KPNA5: variants seen among roughly 807,000 people sequenced by gnomAD.
KPNA5 encodes the protein importin subunit alpha-6.
Under a neutral mutation model 71.3 loss-of-function variants are expected in KPNA5, and 46 were observed. That is an observed-to-expected ratio of 0.65 (90% CI 0.51 to 0.83). KPNA5 has a LOEUF of 0.83. Among genes scored for constraint, KPNA5 ranks in the 40% least tolerant of loss-of-function variants. KPNA5 has a pLI of 0.00. For synonymous variants in KPNA5, 207 were observed against 201.4 expected (o/e 1.03, Z -0.24); for missense variants, 547 against 628.3 (o/e 0.87, Z 1.38).
At chr6:116,685,787 C>T (rs1251631560) in intron 1 of KPNA5, among the ~76,000 whole-genome samples, 1 of 152,132 alleles carries the variant, frequency 6.6e-6, no homozygotes, top group African/African-American at 2.4e-5. Context: ...ATTTATATCC[C>T]TCTGGATATA....
chr6:116,684,483 G>T (rs1777493501), intron 1 of KPNA5, among the ~76,000 whole-genome samples: 1 of 152,122 alleles, frequency 6.6e-6, no homozygotes, highest in South Asian at 2.1e-4. Context: ...ATCAATGAAT[G>T]AATAAACCGA....
chr6:116,715,131 C>T (rs1778835222), intron 7 of KPNA5, among the ~76,000 whole-genome samples: 1 of 152,148 alleles, frequency 6.6e-6, no homozygotes, highest in Non-Finnish European at 1.5e-5. Flanking sequence ...GGACAAGCAC[C>T]TGGAGTTCCA....
intron 9 of KPNA5, among the ~76,000 whole-genome samples, chr6:116,723,135 G>T (rs1001393221): frequency 6.6e-6 from 1 of 152,158 alleles, no homozygotes; most frequent in Non-Finnish European, 1.5e-5. Context: ...TGAGGTAAAA[G>T]ATTGGCTGAT....
intron 8 of KPNA5, among the ~76,000 whole-genome samples, chr6:116,716,629 A>G (rs1778898338): frequency 6.6e-6 from 1 of 152,196 alleles, no homozygotes. Flanking sequence ...AAAAGATTAA[A>G]TAATTCCTTT....
chr6:116,701,491 G>A (rs1334899250), intron 5 of KPNA5, among the ~76,000 whole-genome samples: 1 of 152,126 alleles, frequency 6.6e-6, no homozygotes, highest in East Asian at 1.9e-4. Flanking sequence ...AGAAGTCCCA[G>A]CACTGGCTCT....
At chr6:116,714,318 A>G (rs1778808651) in intron 7 of KPNA5, among the ~76,000 whole-genome samples, 1 of 152,130 alleles carries the variant, frequency 6.6e-6, no homozygotes, top group Non-Finnish European at 1.5e-5. Context: ...GTGGGTAGCT[A>G]GTGGTTTGAC....
chr6:116,692,657 G>T (rs1403741692), intron 4 of KPNA5, among the ~76,000 whole-genome samples: 9 of 152,068 alleles, frequency 5.9e-5, no homozygotes, highest in African/African-American at 7.2e-5. Context: ...AAGAAATAAG[G>T]TTAGAGATAT....
rs149228960 is a variant in KPNA5 at position 116,699,344 on chromosome 6, G to A, written c.435+546G>A. Among the ~76,000 whole-genome samples, 815 of 152,082 alleles carry A rather than the reference G, an allele frequency of 5.4e-3. 7 individuals are homozygous for A. The highest frequency in any genetic ancestry group is 9.2e-3 in the Non-Finnish European group (622 of 67,936). On this transcript the variant is annotated intron_variant, in intron 5 of 13. Coordinates refer to ENST00000368564, the MANE Select transcript of KPNA5 (RefSeq NM_001366306.2). ...CTAATGGAAATTTACTGAAGTTTGT[G>A]AATATTTTAATGTTAAAAAAAGATT...
chr6:116,697,786 T>C (rs1169590604), intron 4 of KPNA5, among the ~76,000 whole-genome samples: 3 of 152,004 alleles, frequency 2.0e-5, no homozygotes, highest in African/African-American at 7.2e-5. Flanking sequence ...ATAACCATGA[T>C]GATATAATGA....
At chr6:116,708,156 T>C (rs567349856) in intron 7 of KPNA5, among the ~76,000 whole-genome samples, 1 of 152,362 alleles carries the variant, frequency 6.6e-6, no homozygotes, top group Non-Finnish European at 1.5e-5. Context: ...CATTAATAGA[T>C]GGACACTTCG....
At chr6:116,705,737 G>C (rs545660220) in intron 7 of KPNA5, among the ~76,000 whole-genome samples, 1 of 152,154 alleles carries the variant, frequency 6.6e-6, no homozygotes, top group South Asian at 2.1e-4. Flanking sequence ...TCTTTATGTA[G>C]GATAAATGCT....
chr6:116,696,037 A>G (rs184782707), intron 4 of KPNA5, among the ~76,000 whole-genome samples: 9 of 152,146 alleles, frequency 5.9e-5, no homozygotes, highest in Middle Eastern at 3.4e-3. Context: ...TTAAGCCTTT[A>G]TATGTCTAAA....
chr6:116,727,127 T>G (rs1364706848), intron 12 of KPNA5, among the ~76,000 whole-genome samples: 1 of 152,046 alleles, frequency 6.6e-6, no homozygotes, highest in Non-Finnish European at 1.5e-5. Flanking sequence ...CTTTTTAAAT[T>G]TATTTATTCT....
chr6:116,705,043 G>C, intron 6 of KPNA5, 29 bp from the exon 7 acceptor site: 1 of 1,517,504 alleles, frequency 6.6e-7, no homozygotes, highest in Non-Finnish European at 9.1e-7. Context: ...TTAAAATATT[G>C]TCTTAAGATA....
intron 12 of KPNA5, among the ~76,000 whole-genome samples, chr6:116,728,724 A>G (rs969427591): frequency 6.6e-6 from 1 of 151,980 alleles, no homozygotes; most frequent in Non-Finnish European, 1.5e-5. Flanking sequence ...AGTTGGTACT[A>G]TTATTATTCC....
At chr6:116,713,805 A>G (rs1448810416) in intron 7 of KPNA5, among the ~76,000 whole-genome samples, 1 of 151,994 alleles carries the variant, frequency 6.6e-6, no homozygotes, top group African/African-American at 2.4e-5. Flanking sequence ...TCCCTGCTCA[A>G]TCTGCTGTCA....
chr6:116,704,150 T>C (rs889387693), intron 6 of KPNA5, among the ~76,000 whole-genome samples: 2 of 152,148 alleles, frequency 1.3e-5, no homozygotes, highest in Non-Finnish European at 2.9e-5. Flanking sequence ...GCAGTTCTTA[T>C]GCTTCAGCCT....
At chr6:116,696,337 C>A (rs1778027944) in intron 4 of KPNA5, among the ~76,000 whole-genome samples, 1 of 152,068 alleles carries the variant, frequency 6.6e-6, no homozygotes, top group South Asian at 2.1e-4. Flanking sequence ...TTTATTTGAT[C>A]TGTCAAAGTA....
intron 9 of KPNA5, among the ~76,000 whole-genome samples, chr6:116,722,868 T>G (rs1779161684): frequency 6.6e-6 from 1 of 152,190 alleles, no homozygotes; most frequent in South Asian, 2.1e-4. Context: ...CTTACCCTCT[T>G]TAAAAAATGT....
Sources: allele counts gnomAD v4.1 joint callset (sites outside exome capture counted in the v4.1 genomes callset), GRCh38; gene constraint gnomAD v4.1.1; transcripts MANE v1.5; gene names NCBI Gene and HGNC (gene_info 2026-07-23, HGNC 2026-07-21).